DNAH6: variants seen among roughly 807,000 people sequenced by gnomAD.
The protein encoded by DNAH6 is dynein axonemal heavy chain 6.
A neutral mutation model predicts 491.4 loss-of-function variants in DNAH6; 340 were observed. The ratio of observed to expected loss-of-function variants is 0.69; its 90% CI spans 0.63 to 0.76. The LOEUF is 0.76. DNAH6 is among the 30% of genes least tolerant of loss of function. The probability of loss-of-function intolerance (pLI) is 0.00; values close to 1 mark genes in which losing one functional copy is unlikely to be tolerated. For missense variants in DNAH6, 4,443 were observed against 4,972.2 expected, an observed-to-expected ratio of 0.89 and a Z score of 3.20; for synonymous variants, 1,603 against 1,686.1, an observed-to-expected ratio of 0.95 and a Z score of 1.21.
intron 50 of DNAH6, 108 bp downstream of exon 50, chr2:84,703,670 T>G: frequency 1.9e-6 from 2 of 1,071,488 alleles, no homozygotes; most frequent in Non-Finnish European, 2.5e-6. Context: ...ATTAAAATAA[T>G]TAAGTGATAG....
At chr2:84,649,125 A>G (rs1168530563) in intron 33 of DNAH6, among the ~76,000 whole-genome samples, 1 of 152,180 alleles carries the variant, frequency 6.6e-6, no homozygotes, top group Non-Finnish European at 1.5e-5. Flanking sequence ...AGGTATGTAC[A>G]TTTTTTAGAC....
chr2:84,811,859 CA>C (rs34583430), intron 72 of DNAH6, among the ~76,000 whole-genome samples: 7,477 of 104,880 alleles, frequency 0.071, 259 homozygotes, highest in African/African-American at 0.13. Context: ...GATTCTGTCT[CA>C]AAAAAAAAAA....
Position 84,705,631 on chromosome 2 carries a change from G to A in DNAH6, c.8611G>A (p.Val2871Met). 7.1e-6 allele frequency: 11 copies of A among 1,551,634 alleles called. No homozygotes were observed. Among genetic ancestry groups the A allele is most frequent in the Non-Finnish European group, 8.7e-6 (10 of 1,146,974 alleles). ...INNPDFVPEKVEKVSKACKSM... is the reference protein window; with the variant it reads ...INNPDFVPEKMEKVSKACKSM... ...TAATCCTGATTTTGTGCCTGAAAAA[G>A]TGGAGAAAGTGTCCAAAGCATGTAA... The change falls in exon 52 of 77, where the codon GTG becomes ATG. Residue 2871 changes from valine (V) to methionine (M), a missense_variant. By Grantham distance (21) the Val-to-Met change is conservative. Coordinates refer to ENST00000389394, the MANE Select transcript of DNAH6 (RefSeq NM_001370.2).
At chr2:84,739,015 G>C (rs903107376) in intron 62 of DNAH6, among the ~76,000 whole-genome samples, 9 of 152,140 alleles carry the variant, frequency 5.9e-5, no homozygotes, top group East Asian at 3.9e-4. Context: ...AGCATGCATT[G>C]TAGGGCCAGT....
chr2:84,474,300 G>C, the DNAH6 span, among the ~76,000 whole-genome samples: 3 of 152,156 alleles, frequency 2.0e-5, no homozygotes, highest in African/African-American at 7.2e-5. Context: ...GGCTCTATAT[G>C]ACCCTTTTGC....
intron 29 of DNAH6, among the ~76,000 whole-genome samples, chr2:84,628,785 T>C (rs1377613638): frequency 1.3e-5 from 2 of 151,864 alleles, no homozygotes; most frequent in African/African-American, 4.8e-5. Flanking sequence ...TCAAATGTTC[T>C]CTCCCATTTT....
intron 62 of DNAH6, among the ~76,000 whole-genome samples, chr2:84,741,694 A>G (rs972100239): frequency 4.6e-5 from 7 of 152,184 alleles, no homozygotes; most frequent in African/African-American, 1.2e-4. Flanking sequence ...CCCTCCCTGG[A>G]GCAGCACAGT....
At chr2:84,758,598 T>C (rs1258568730) in intron 63 of DNAH6, among the ~76,000 whole-genome samples, 1 of 151,908 alleles carries the variant, frequency 6.6e-6, no homozygotes, top group African/African-American at 2.4e-5. Flanking sequence ...AAAAAGACAA[T>C]ATCAAGTGGG....
Position 84,659,024 on chromosome 2 carries a change from A to C in DNAH6, c.5941-2A>C. On this transcript the variant is annotated splice_acceptor_variant, in intron 36 of 76. Coordinates refer to ENST00000389394, the MANE Select transcript of DNAH6 (RefSeq NM_001370.2). LOFTEE classifies it high-confidence loss of function. ...TAAGTCTGTTTCTCTTTATTCTTTC[A>C]GGAACAAACAAAATTGAACACTATA... 2.1e-6 allele frequency: 3 copies of C among 1,406,474 alleles called. No homozygotes were observed. Among genetic ancestry groups the C allele is most frequent in the Non-Finnish European group, 2.9e-6 (3 of 1,037,562 alleles). The allele number at this position is 1,406,474 out of a possible 1,614,324, so 87.1% of individuals were successfully genotyped here.
chr2:84,658,700 C>T (rs1691209130), intron 36 of DNAH6, among the ~76,000 whole-genome samples: 1 of 152,084 alleles, frequency 6.6e-6, no homozygotes, highest in African/African-American at 2.4e-5. Context: ...CAGTCTACAA[C>T]ATATTCCCAA....
chr2:84,727,911 T>C lies in DNAH6; in HGVS notation c.10206+9T>C. ...CTGCAGGATTGGAAAAGGTACCTGA[T>C]TCCCATTTAGGTGATGATTGATATG... On this transcript the variant is annotated intron_variant, in intron 61 of 76. Transcript: ENST00000389394. The C allele has an allele frequency of 6.7e-7, 1 of 1,496,514 alleles. No individual in the cohort carries two copies. Among genetic ancestry groups the C allele is most frequent in the Non-Finnish European group, 9.1e-7 (1 of 1,096,632 alleles). The allele number at this position is 1,496,514 out of a possible 1,614,324, so 92.7% of individuals were successfully genotyped here.
At chr2:84,546,150 G>C (rs1678765754) in intron 5 of DNAH6, among the ~76,000 whole-genome samples, 1 of 152,028 alleles carries the variant, frequency 6.6e-6, no homozygotes, top group African/African-American at 2.4e-5. Flanking sequence ...GGCCTGTTCT[G>C]TACATTTCAC....
chr2:84,636,762 C>T (rs1286139227), intron 30 of DNAH6, among the ~76,000 whole-genome samples: 2 of 151,994 alleles, frequency 1.3e-5, no homozygotes, highest in Admixed American at 6.6e-5. Context: ...TGGGGTGTGC[C>T]TGTGGTCCCA....
chr2:84,566,661 T>C (rs1431169319), intron 11 of DNAH6, among the ~76,000 whole-genome samples: 2 of 151,956 alleles, frequency 1.3e-5, no homozygotes, highest in Non-Finnish European at 2.9e-5. Flanking sequence ...ATAATAAAGC[T>C]TATATGCATA....
intron 29 of DNAH6, among the ~76,000 whole-genome samples, chr2:84,628,329 A>C (rs11685476): frequency 4.6e-5 from 7 of 152,154 alleles, no homozygotes; most frequent in African/African-American, 1.7e-4. Flanking sequence ...TCATGTGTGG[A>C]TGTTCCCCAG....
In DNAH6 at chr2:84,669,493, A is replaced by C. The variant is rs761760880; in HGVS notation, c.6289A>C (p.Ile2097Leu). Residue 2097 changes from isoleucine to leucine, a missense_variant, in exon 38 of 77, where the codon ATA becomes CTA. By Grantham distance (5) the Ile-to-Leu change is conservative. This residue lies in a region of DNAH6 where 2,977 missense variants were observed against 3,296.6 expected (regional missense o/e 0.90). Transcript: ENST00000389394. ...CAAGCATTCCGTGTTGTTTACTGGA[A>C]TAACTGGAGTGGGCAAGGTAGGAAA... is the stretch of plus-strand genomic sequence containing the variant. ...AVKHSVLFTG[I>L]TGVGKSVIAK... 2.1e-5 allele frequency: 32 copies of C among 1,551,676 alleles called. No homozygotes were observed. Among genetic ancestry groups the C allele is most frequent in the Non-Finnish European group, 2.5e-5 (29 of 1,146,980 alleles).
chr2:84,794,306 G>C (rs1181382112), intron 68 of DNAH6, among the ~76,000 whole-genome samples: 77 of 151,832 alleles, frequency 5.1e-4, no homozygotes, highest in Middle Eastern at 6.8e-3. Flanking sequence ...GCAATGGCAA[G>C]AAAAGCCAAA....
chr2:84,523,803 C>T lies in DNAH6; in HGVS notation c.226-1762C>T, dbSNP rs1676357990. On this transcript the variant is annotated intron_variant, in intron 2 of 76. Transcript: ENST00000389394. ...AGTCTTGATTTCTGTTTTTATTGCA[C>T]TGTGGTCTAAGAGTGTGTTTGGTAT... 2.6e-5 allele frequency among the ~76,000 whole-genome samples: 4 copies of T among 152,122 alleles called. No homozygotes were observed. The South Asian group carries it at 8.3e-4, about 32-fold the overall frequency.
chr2:84,752,895 G>A (rs1489776163), intron 63 of DNAH6, among the ~76,000 whole-genome samples: 1 of 152,068 alleles, frequency 6.6e-6, no homozygotes, highest in Non-Finnish European at 1.5e-5. Flanking sequence ...TTTTTGTGTG[G>A]ACATGGGTTT....
Sources: gnomAD v4.1 joint callset for allele counts (sites outside exome capture counted in the v4.1 genomes callset) on GRCh38, gnomAD v4.1.1 for gene constraint, gnomAD v4.1.1 regional missense constraint, MANE v1.5 for transcripts, NCBI Gene and HGNC (gene_info 2026-07-23, HGNC 2026-07-21) for gene names.